ZMYM2: variants seen among roughly 807,000 people sequenced by gnomAD.
The protein encoded by ZMYM2 is zinc finger MYM-type protein 2.
In ZMYM2, 56 loss-of-function variants were observed where a neutral mutation model predicts 162.8. The ratio of observed to expected loss-of-function variants is 0.34; its 90% CI spans 0.28 to 0.43. The LOEUF is 0.43. Ranked by LOEUF, ZMYM2 falls within the 20% of genes least tolerant of loss-of-function variation. The pLI is 1.00. For missense variants in ZMYM2, 1,275 were observed against 1,621.8 expected, an observed-to-expected ratio of 0.79 and a Z score of 3.67; for synonymous variants, 510 against 541.6, an observed-to-expected ratio of 0.94 and a Z score of 0.81.
At chr13:20,043,302 C>T (rs549355408) in intron 12 of ZMYM2, among the ~76,000 whole-genome samples, 7 of 152,280 alleles carry the variant, frequency 4.6e-5, no homozygotes, top group Admixed American at 6.5e-5. Flanking sequence ...TTTGGTAGTG[C>T]GGTGACAGCA....
chr13:19,904,321 C>G, the ZMYM2 span, among the ~76,000 whole-genome samples: 1 of 152,022 alleles, frequency 6.6e-6, no homozygotes, highest in East Asian at 1.9e-4. Context: ...CTTTGGGAGG[C>G]CGAGGCGGGT....
At chr13:19,962,224 G>A (rs1176838566) in intron 2 of ZMYM2, among the ~76,000 whole-genome samples, 1 of 151,904 alleles carries the variant, frequency 6.6e-6, no homozygotes, top group Admixed American at 6.6e-5. Context: ...TTTTGCCCTT[G>A]TTTGAGGTAC....
chr13:20,037,903 G>A (rs973888222), intron 12 of ZMYM2, among the ~76,000 whole-genome samples: 12 of 152,038 alleles, frequency 7.9e-5, no homozygotes, highest in Non-Finnish European at 1.5e-4. Flanking sequence ...CAGATATTAA[G>A]CCTAGTACCC....
chr13:19,866,686 GA>G, the ZMYM2 span, among the ~76,000 whole-genome samples: 2 of 151,890 alleles, frequency 1.3e-5, no homozygotes, highest in African/African-American at 2.4e-5. Flanking sequence ...AAATAAATAG[GA>G]AAAAATTCTT....
intron 7 of ZMYM2, among the ~76,000 whole-genome samples, chr13:20,022,052 C>T (rs1274653113): frequency 2.6e-5 from 4 of 152,150 alleles, no homozygotes; most frequent in African/African-American, 2.4e-5. Context: ...ACAGGACTCA[C>T]TTGATTTGTT....
chr13:19,984,131 T>C (rs1313391628), intron 2 of ZMYM2, among the ~76,000 whole-genome samples: 1 of 152,246 alleles, frequency 6.6e-6, no homozygotes, highest in Non-Finnish European at 1.5e-5. Context: ...TGAAGCACTT[T>C]GAAGTGCTTT....
At chr13:19,915,264 TA>T in the ZMYM2 span, among the ~76,000 whole-genome samples, 1 of 152,010 alleles carries the variant, frequency 6.6e-6, no homozygotes, top group African/African-American at 2.4e-5. Flanking sequence ...CCCAGGCTTT[TA>T]AAAAAATTTT....
chr13:20,053,889 T>C (rs924328854), intron 14 of ZMYM2, among the ~76,000 whole-genome samples: 1 of 152,224 alleles, frequency 6.6e-6, no homozygotes, highest in Non-Finnish European at 1.5e-5. Context: ...ACTTGAATTA[T>C]CTGATTTTAA....
intron 7 of ZMYM2, chr13:20,025,655 T>G (rs2140243283): frequency 6.5e-6 from 1 of 153,008 alleles, no homozygotes; most frequent in East Asian, 1.9e-4. Flanking sequence ...GTTGTTGTTG[T>G]TGTTGTTGGC....
chr13:20,044,754 A>G (rs139483360), intron 12 of ZMYM2, among the ~76,000 whole-genome samples: 4 of 152,254 alleles, frequency 2.6e-5, no homozygotes, highest in South Asian at 2.1e-4. Flanking sequence ...ACAGTTGTAA[A>G]GCATGTGAAG....
At chr13:19,959,202 C>T (rs1389322700) in intron 1 of ZMYM2, among the ~76,000 whole-genome samples, 3 of 122,786 alleles carry the variant, frequency 2.4e-5, no homozygotes, top group Non-Finnish European at 5.2e-5. Context: ...GACGGCGGGG[C>T]GGGGGTGCCG....
At chr13:20,022,912 T>C (rs1166105448) in intron 7 of ZMYM2, among the ~76,000 whole-genome samples, 1 of 152,158 alleles carries the variant, frequency 6.6e-6, no homozygotes, top group Admixed American at 6.5e-5. Context: ...AAAATACCTA[T>C]GATTACAAAG....
chr13:20,051,157 A>AT (rs1566399682), intron 12 of ZMYM2, among the ~76,000 whole-genome samples: 1 of 151,722 alleles, frequency 6.6e-6, no homozygotes, highest in African/African-American at 2.4e-5. Context: ...AAATACATTC[A>AT]TTTGGTCTAC....
At chr13:19,995,613 A>G (rs1949960554) in intron 3 of ZMYM2, among the ~76,000 whole-genome samples, 1 of 152,116 alleles carries the variant, frequency 6.6e-6, no homozygotes, top group Non-Finnish European at 1.5e-5. Context: ...TCGTGGCCTC[A>G]AGTGATCCAT....
At chr13:20,014,614 C>T (rs1951459950) in intron 6 of ZMYM2, among the ~76,000 whole-genome samples, 1 of 151,694 alleles carries the variant, frequency 6.6e-6, no homozygotes, top group Non-Finnish European at 1.5e-5. Context: ...TTAAAATGAC[C>T]AACTTTTGGG....
At chr13:20,030,637 A>G (rs899495649) in intron 9 of ZMYM2, among the ~76,000 whole-genome samples, 1 of 151,948 alleles carries the variant, frequency 6.6e-6, no homozygotes, top group African/African-American at 2.4e-5. Context: ...TGACTTCGTG[A>G]TCCGCCCGCC....
At chr13:20,049,356 G>C (rs539892695) in intron 12 of ZMYM2, among the ~76,000 whole-genome samples, 1 of 151,886 alleles carries the variant, frequency 6.6e-6, no homozygotes, top group Non-Finnish European at 1.5e-5. Context: ...ATTGTAGAAC[G>C]ATGAAGTGAT....
intron 12 of ZMYM2, among the ~76,000 whole-genome samples, chr13:20,048,262 A>T (rs573118684): frequency 6.8e-6 from 1 of 147,954 alleles, no homozygotes; most frequent in East Asian, 2.0e-4. Flanking sequence ...GACTTGTATA[A>T]TTTTTCTTTA....
chr13:19,893,508 C>T, the ZMYM2 span, among the ~76,000 whole-genome samples: 72 of 151,898 alleles, frequency 4.7e-4, 2 homozygotes, highest in African/African-American at 1.6e-3. Flanking sequence ...GAGGCCAAGG[C>T]GGGTGGATCA....
Sources: allele counts gnomAD v4.1 joint callset (sites outside exome capture counted in the v4.1 genomes callset), GRCh38; gene constraint gnomAD v4.1.1; transcripts MANE v1.5; gene names NCBI Gene and HGNC (gene_info 2026-07-23, HGNC 2026-07-21).